The following DACH1 variants were observed in gnomAD, a reference collection of about 807,000 sequenced individuals.
The protein encoded by DACH1 is dachshund family transcription factor 1.
Under a neutral mutation model 54.2 loss-of-function variants are expected in DACH1, and 12 were observed. The ratio of observed to expected loss-of-function variants is 0.22; its 90% CI spans 0.14 to 0.36. The LOEUF (loss-of-function observed/expected upper bound fraction) is 0.36, where lower values mean the gene tolerates loss of function less well. DACH1 is among the 10% of genes least tolerant of loss of function. The pLI, the probability that DACH1 is intolerant of heterozygous loss-of-function variation, is 1.00. For missense variants in DACH1, 805 were observed against 929.8 expected (o/e 0.87, Z 1.75); for synonymous variants, 386 against 366.2 (o/e 1.05, Z -0.62).
intron 2 of DACH1, among the ~76,000 whole-genome samples, chr13:71,661,822 G>T (rs1325085189): frequency 6.6e-6 from 1 of 151,776 alleles, no homozygotes; most frequent in South Asian, 2.1e-4. Context: ...GTTTCTCAGT[G>T]GGCTCATATT....
intron 1 of DACH1, among the ~76,000 whole-genome samples, chr13:71,721,275 T>G (rs1324552313): frequency 6.6e-6 from 1 of 152,214 alleles, no homozygotes; most frequent in African/African-American, 2.4e-5. Flanking sequence ...TAAGCAGACA[T>G]TTAGTTCCAC....
At position 71,866,508 on chromosome 13, in the gene DACH1, T is replaced by TGCC. The variant is rs1195408111; in HGVS notation, c.259_261dup (p.Gly87dup). The TGCC allele has an allele frequency of 2.3e-5, 28 of 1,213,476 alleles. 1 individual carries two copies. In the African/African-American group the frequency reaches 3.5e-4, roughly 15 times the overall value. The allele number at this position is 1,213,476 out of a possible 1,614,324, so 75.2% of individuals were successfully genotyped here. A position where few individuals can be genotyped will look rare whatever the true frequency, so the allele number is the denominator to read the frequency against. ...CCACCGCCGCCTCCGTTGCCGCTGC[T>TGCC]GCCGCCGCCGCCTCCGCTGCCGCCG... On this transcript the variant is annotated inframe_insertion, in exon 1 of 11. Transcript: ENST00000613252.
intron 4 of DACH1, 69 bp from the exon 5 acceptor site, chr13:71,560,024 G>A: frequency 7.1e-7 from 1 of 1,405,828 alleles, no homozygotes; most frequent in Non-Finnish European, 9.3e-7. Flanking sequence ...CTTAATGAAT[G>A]TTGTTTTTTC....
chr13:71,748,337 G>A (rs1884699539), intron 1 of DACH1, among the ~76,000 whole-genome samples: 1 of 152,024 alleles, frequency 6.6e-6, no homozygotes, highest in South Asian at 2.1e-4. Context: ...CAGTTCATAA[G>A]GCCAAAACTG....
intron 1 of DACH1, among the ~76,000 whole-genome samples, chr13:71,692,613 C>T (rs750886822): frequency 7.3e-5 from 10 of 137,608 alleles, no homozygotes; most frequent in Admixed American, 2.5e-4. Flanking sequence ...ACCTCTGCCT[C>T]CCAGGTTCAA....
intron 4 of DACH1, among the ~76,000 whole-genome samples, chr13:71,571,994 A>G (rs1032093714): frequency 6.6e-5 from 10 of 152,122 alleles, no homozygotes; most frequent in African/African-American, 2.2e-4. Context: ...GGCCGTTTAT[A>G]TAAGATGTGC....
At chr13:71,661,317 T>C (rs185906017) in intron 2 of DACH1, among the ~76,000 whole-genome samples, 12 of 151,742 alleles carry the variant, frequency 7.9e-5, no homozygotes, top group African/African-American at 1.9e-4. Context: ...AGGTAAAATA[T>C]AAGGATTTTA....
intron 1 of DACH1, among the ~76,000 whole-genome samples, chr13:71,831,606 G>T (rs543377753): frequency 6.6e-6 from 1 of 151,922 alleles, no homozygotes; most frequent in Admixed American, 6.6e-5. Context: ...CAAATGAACA[G>T]CTTAATAATC....
chr13:71,794,944 C>T (rs1886982232), intron 1 of DACH1, among the ~76,000 whole-genome samples: 1 of 152,016 alleles, frequency 6.6e-6, no homozygotes, highest in Admixed American at 6.6e-5. Flanking sequence ...TTAAACCTTG[C>T]TAACAAATAA....
chr13:71,529,857 G>A (rs1421262173), intron 6 of DACH1, among the ~76,000 whole-genome samples: 1 of 151,946 alleles, frequency 6.6e-6, no homozygotes, highest in African/African-American at 2.4e-5. Context: ...AAACATTTTG[G>A]GAAATAGTAT....
rs147552258 is a variant in DACH1 at position 71,755,217 on chromosome 13, T to A, written c.849-73307A>T. Reference sequence around the variant, plus strand: ...ATCAAGTATAGCAAAACAAGAAAAATCTGTTTATGAGAATTTTATTAATAT... The same window carrying A: ...ATCAAGTATAGCAAAACAAGAAAAAACTGTTTATGAGAATTTTATTAATAT... On this transcript the variant is annotated intron_variant, in intron 1 of 10. Transcript: ENST00000613252. Among the ~76,000 whole-genome samples, 10 of 152,206 alleles carry A rather than the reference T, an allele frequency of 6.6e-5. No individual in the cohort carries two copies. In the East Asian group the frequency reaches 1.9e-3, roughly 29 times the overall value.
chr13:71,533,501 T>A (rs1434685170), intron 6 of DACH1, among the ~76,000 whole-genome samples: 1 of 152,046 alleles, frequency 6.6e-6, no homozygotes, highest in African/African-American at 2.4e-5. Context: ...TTTAAAGTCA[T>A]GACCACAGTT....
chr13:71,604,568 T>G (rs1397975753), intron 3 of DACH1, among the ~76,000 whole-genome samples: 7 of 151,906 alleles, frequency 4.6e-5, no homozygotes, highest in African/African-American at 1.7e-4. Flanking sequence ...AAGCTTCCAA[T>G]AATATGGTCT....
Position 71,457,507 on chromosome 13 carries a change from C to A in DACH1, c.2084-16815G>T, listed in dbSNP as rs555181065. Among the ~76,000 whole-genome samples, 3 of 152,038 alleles carry A rather than the reference C, an allele frequency of 2.0e-5. No homozygotes were observed. The East Asian group carries it at 5.8e-4, about 29-fold the overall frequency. The stretch of plus-strand genomic sequence containing the variant: ...TCACTTTCCTGGACAAAATTCAAAT[C>A]CATCCTTTCTAACTCCCACGAAAAA... On this transcript the variant is annotated intron_variant, in intron 10 of 10. Coordinates refer to ENST00000613252, the MANE Select transcript of DACH1 (RefSeq NM_080759.6).
At chr13:71,660,146 C>A (rs1377314363) in intron 2 of DACH1, among the ~76,000 whole-genome samples, 2 of 152,034 alleles carry the variant, frequency 1.3e-5, no homozygotes, top group Admixed American at 6.6e-5. Context: ...AAAATAAAAT[C>A]AATTGTACAT....
chr13:71,808,828 A>G (rs1265838403), intron 1 of DACH1, among the ~76,000 whole-genome samples: 2 of 152,170 alleles, frequency 1.3e-5, no homozygotes, highest in African/African-American at 2.4e-5. Context: ...ATTTGTCTAA[A>G]CTGTCTAAAG....
chr13:71,848,716 G>T (rs1014720771), intron 1 of DACH1, among the ~76,000 whole-genome samples: 2 of 151,956 alleles, frequency 1.3e-5, no homozygotes, highest in African/African-American at 4.8e-5. Context: ...AGATGGGGGG[G>T]TTCTCACTAT....
rs767304052 is a variant in DACH1 at position 71,865,995 on chromosome 13, G to A, written c.775C>T (p.Pro259Ser). The A allele has an allele frequency of 1.2e-6, 2 of 1,614,006 alleles. No individual in the cohort carries two copies. The highest frequency in any genetic ancestry group is 1.7e-6 in the Non-Finnish European group (2 of 1,179,996). The change falls in exon 1 of 11, where the codon CCA becomes TCA. Residue 259 changes from proline (P) to serine (S), a missense_variant. By Grantham distance (74) the Pro-to-Ser change is moderately conservative. Transcript: ENST00000613252. The part of the protein sequence containing the change: ...RILRGLGAIQ[P>S]GVNRCKLISR... ...ATGAGTTTGCAGCGGTTCACTCCTG[G>A]CTGGATGGCGCCCAGTCCCCTCAGG... is the stretch of plus-strand genomic sequence containing the variant.
chr13:71,779,108 TATACATATATACAC>T (rs1343372936), intron 1 of DACH1, among the ~76,000 whole-genome samples: 8 of 125,124 alleles, frequency 6.4e-5, no homozygotes, highest in African/African-American at 2.7e-4. Context: ...AATATATATA[TATACATATATACAC>T]ATATATACAT....
Sources: allele counts gnomAD v4.1 joint callset (sites outside exome capture counted in the v4.1 genomes callset), GRCh38; gene constraint gnomAD v4.1.1; transcripts MANE v1.5; gene names NCBI Gene and HGNC (gene_info 2026-07-23, HGNC 2026-07-21).